Variants in MAPK14 observed in about 807,000 individuals in gnomAD.
The protein encoded by MAPK14 is mitogen-activated protein kinase 14.
MAPK14 carries 16 observed loss-of-function variants against 49.6 expected under a neutral mutation model. The ratio of observed to expected loss-of-function variants is 0.32; its 90% CI spans 0.22 to 0.49. The LOEUF (loss-of-function observed/expected upper bound fraction) is 0.49. Ranked by LOEUF, MAPK14 falls within the 20% of genes least tolerant of loss-of-function variation. MAPK14 has a pLI of 0.99. For synonymous variants in MAPK14, 142 were observed against 158.0 expected, an observed-to-expected ratio of 0.90 and a Z score of 0.76; for missense variants, 200 against 441.2, an observed-to-expected ratio of 0.45 and a Z score of 4.90.
intron 8 of MAPK14, among the ~76,000 whole-genome samples, chr6:36,078,695 T>TATTCTACTTGGCTCTTTTTCAGACAG (rs1187480035): frequency 1.3e-5 from 2 of 152,250 alleles, no homozygotes; most frequent in African/African-American, 4.8e-5. Flanking sequence ...TTATTTATTT[T>TATTCTACTTGGCTCTTTTTCAGACAG]ATTCTACTTG....
rs58187530 is a variant in MAPK14 at position 36,059,663 on chromosome 6, T to TTTGTTG, written c.305+337_305+342dup. 2.1e-3 allele frequency among the ~76,000 whole-genome samples: 315 copies of TTTGTTG among 151,590 alleles called. 1 individual carries two copies. The highest frequency in any genetic ancestry group is 6.8e-3 in the African/African-American group (281 of 41,240). Reference sequence around the variant, plus strand: ...TCAAAGTGTTTATCCCAGGTTTGGTTTTGTTGTTGTTGTTGTTGTTGTTGT... The same window carrying TTTGTTG: ...TCAAAGTGTTTATCCCAGGTTTGGTTTTGTTGTTGTTGTTGTTGTTGTTGTTGTTGT... On this transcript the variant is annotated intron_variant, in intron 3 of 11. Coordinates refer to ENST00000229794, the MANE Select transcript of MAPK14 (RefSeq NM_139012.3).
rs2127479169 is a variant in MAPK14 at position 36,110,560 on chromosome 6, C to CT, written c.*2114dup. The stretch of plus-strand genomic sequence containing the variant: ...GCTGCATGCTCTGGAAGCCTGGACT[C>CT]TAAGCTGGAGCTCTTGGAAGAGCTC... On this transcript the variant is annotated 3_prime_UTR_variant, in exon 12 of 12. Transcript: ENST00000229794. 1 of 152,790 alleles carries CT rather than the reference C, an allele frequency of 6.5e-6. No individual in the cohort carries two copies. Among genetic ancestry groups the CT allele is most frequent in the South Asian group, 2.1e-4 (1 of 4,830 alleles). The allele number at this position is 152,790 out of a possible 1,614,324, so 9.5% of individuals were successfully genotyped here.
intron 1 of MAPK14, among the ~76,000 whole-genome samples, chr6:36,048,323 G>A (rs1327151293): frequency 1.3e-5 from 2 of 152,132 alleles, no homozygotes. Flanking sequence ...GATTACAGGC[G>A]TGAGCCACTG....
intron 3 of MAPK14, among the ~76,000 whole-genome samples, chr6:36,062,815 G>A (rs1194864159): frequency 6.6e-6 from 1 of 151,758 alleles, no homozygotes; most frequent in South Asian, 2.1e-4. Flanking sequence ...ACATCACCAT[G>A]CCTGGTTAAT....
intron 3 of MAPK14, among the ~76,000 whole-genome samples, chr6:36,063,721 G>A (rs1395111661): frequency 6.6e-6 from 1 of 152,166 alleles, no homozygotes; most frequent in Non-Finnish European, 1.5e-5. Flanking sequence ...TGAACATTAG[G>A]AACAATATAC....
rs1355725754 is a variant in MAPK14 at position 36,108,402 on chromosome 6, C to T, written c.1038C>T (p.Ile346=). 1.2e-6 allele frequency: 2 copies of T among 1,613,994 alleles called. No individual in the cohort carries two copies. The highest frequency in any genetic ancestry group is 2.2e-5 in the South Asian group (2 of 91,078). ...EWKSLTYDEV[I]SFVPPPLDQE... ...TAGGCCTGACCTATGATGAAGTCAT[C>T]AGCTTTGTGCCACCACCCCTTGACC... Residue 346 remains isoleucine (I), a synonymous_variant, in exon 12 of 12, where the codon ATC becomes ATT. Coordinates refer to ENST00000229794, the MANE Select transcript of MAPK14 (RefSeq NM_139012.3).
chr6:36,039,006 C>A (rs563874184), intron 1 of MAPK14, among the ~76,000 whole-genome samples: 6 of 152,064 alleles, frequency 3.9e-5, no homozygotes, highest in African/African-American at 1.4e-4. Context: ...CTGCCTTTTC[C>A]CCATTATAAT....
chr6:36,087,601 A>G (rs962516460), intron 8 of MAPK14, among the ~76,000 whole-genome samples: 1 of 152,220 alleles, frequency 6.6e-6, no homozygotes, highest in Admixed American at 6.5e-5. Context: ...GACCTCTTCA[A>G]GGAGAACTAC....
intron 1 of MAPK14, among the ~76,000 whole-genome samples, chr6:36,035,615 G>C (rs1762716780): frequency 6.6e-6 from 1 of 152,212 alleles, no homozygotes; most frequent in Non-Finnish European, 1.5e-5. Context: ...TAGGCTTCTT[G>C]TACCAAACAG....
At chr6:36,085,158 C>T (rs562316506) in intron 8 of MAPK14, among the ~76,000 whole-genome samples, 1 of 152,276 alleles carries the variant, frequency 6.6e-6, no homozygotes, top group South Asian at 2.1e-4. Flanking sequence ...CTTGCAAGAG[C>T]TCCTGAAGGA....
At chr6:36,047,108 T>C (rs146111540) in intron 1 of MAPK14, among the ~76,000 whole-genome samples, 9 of 152,316 alleles carry the variant, frequency 5.9e-5, no homozygotes, top group African/African-American at 2.2e-4. Flanking sequence ...AAGAAGTTAC[T>C]AATTTATGGG....
At chr6:36,089,444 A>T (rs1426518626) in intron 8 of MAPK14, among the ~76,000 whole-genome samples, 1 of 152,148 alleles carries the variant, frequency 6.6e-6, no homozygotes, top group African/African-American at 2.4e-5. Flanking sequence ...GGGGCTTAAC[A>T]CCTAGGTGAT....
At chr6:36,066,008 G>C (rs374125239) in intron 3 of MAPK14, among the ~76,000 whole-genome samples, 1 of 152,168 alleles carries the variant, frequency 6.6e-6, no homozygotes, top group East Asian at 1.9e-4. Context: ...CAAAAAACAG[G>C]GTCTTATGCT....
chr6:36,075,203 G>A (rs374920263), intron 6 of MAPK14, among the ~76,000 whole-genome samples: 2 of 131,584 alleles, frequency 1.5e-5, no homozygotes, highest in East Asian at 2.2e-4. Context: ...CCCAGCCTGG[G>A]CAACAGAGCA....
rs759025799 is a variant in MAPK14 at position 36,107,131 on chromosome 6, A to G, written c.842-324A>G. Among the ~76,000 whole-genome samples, 1 of 152,214 alleles carries G rather than the reference A, an allele frequency of 6.6e-6. No individual in the cohort carries two copies. The highest frequency in any genetic ancestry group is 1.5e-5 in the Non-Finnish European group (1 of 68,036). On this transcript the variant is annotated intron_variant, in intron 10 of 11. Coordinates refer to ENST00000229794, the MANE Select transcript of MAPK14 (RefSeq NM_139012.3). This position sits in a 1 kb window ranked among gnomAD's most constrained non-coding sequence, Gnocchi z 4.3. ...GGTTGAGAGATAACCTATCGGGTAC[A>G]ATGTTCACTATTTGGTTAATGGGCA... is the stretch of plus-strand genomic sequence containing the variant.
At chr6:36,069,187 C>T (rs1249075466) in intron 3 of MAPK14, among the ~76,000 whole-genome samples, 1 of 152,096 alleles carries the variant, frequency 6.6e-6, no homozygotes, top group African/African-American at 2.4e-5. Context: ...CTATGCTTTC[C>T]AGAAACAAAT....
downstream of MAPK14, among the ~76,000 whole-genome samples, chr6:36,112,274 G>C (rs1395680343): frequency 2.0e-5 from 3 of 151,858 alleles, no homozygotes; most frequent in Non-Finnish European, 4.4e-5. Context: ...TGAGACATGA[G>C]AACAGCCTTC....
At chr6:36,068,252 CA>C (rs1764137070) in intron 3 of MAPK14, among the ~76,000 whole-genome samples, 1 of 152,008 alleles carries the variant, frequency 6.6e-6, no homozygotes, top group Non-Finnish European at 1.5e-5. Flanking sequence ...GCAAGGAGGC[CA>C]GTGTGGAGCT....
At chr6:36,122,440 C>T in the MAPK14 span, among the ~76,000 whole-genome samples, 86 of 152,310 alleles carry the variant, frequency 5.6e-4, 1 homozygote, top group South Asian at 0.013. Flanking sequence ...AGAGATGCAG[C>T]GATAACAAGG....
Sources: gnomAD v4.1 joint callset for allele counts (sites outside exome capture counted in the v4.1 genomes callset) on GRCh38, gnomAD v4.1.1 for gene constraint, Gnocchi (gnomAD v3.1) non-coding constraint, MANE v1.5 for transcripts, NCBI Gene and HGNC (gene_info 2026-07-23, HGNC 2026-07-21) for gene names.